Variants in NLRC4 observed in about 807,000 individuals in gnomAD.
The protein encoded by NLRC4 is NLR family CARD domain containing 4, also known as NLR family CARD domain-containing protein 4.
In NLRC4, 63 loss-of-function variants were observed where a neutral mutation model predicts 79.9. The ratio of observed to expected loss-of-function variants is 0.79; its 90% confidence interval spans 0.64 to 0.97. NLRC4 has a LOEUF of 0.97. NLRC4 is among the 50% of genes least tolerant of loss of function. The probability of loss-of-function intolerance (pLI) is 0.00; values close to 1 mark genes in which losing one functional copy is unlikely to be tolerated. For synonymous variants in NLRC4, 461 were observed against 456.5 expected (o/e 1.01, Z -0.12); for missense variants, 1,074 against 1,215.2 (o/e 0.88, Z 1.73).
chr2:32,236,981 T>C (rs1389344390), intron 6 of NLRC4, among the ~76,000 whole-genome samples: 1 of 152,200 alleles, frequency 6.6e-6, no homozygotes. Flanking sequence ...ATTCAGAACT[T>C]TTTTTAAAGC....
intron 4 of NLRC4, among the ~76,000 whole-genome samples, chr2:32,241,588 C>T (rs912757663): frequency 1.3e-5 from 2 of 151,936 alleles, no homozygotes; most frequent in African/African-American, 4.8e-5. Flanking sequence ...CCATGTTAGC[C>T]AGGATGGTCT....
intron 4 of NLRC4, among the ~76,000 whole-genome samples, chr2:32,242,066 T>G (rs958205042): frequency 2.6e-5 from 4 of 151,998 alleles, no homozygotes; most frequent in African/African-American, 9.7e-5. Flanking sequence ...AGAGGCAAGG[T>G]CTCACTATGT....
At chr2:32,244,132 C>G (rs1686874283) in intron 4 of NLRC4, among the ~76,000 whole-genome samples, 2 of 152,128 alleles carry the variant, frequency 1.3e-5, no homozygotes, top group Non-Finnish European at 2.9e-5. Flanking sequence ...CACTTATGGT[C>G]CCAGCTAGTC....
Position 32,256,759 on chromosome 2 carries a change from T to C in NLRC4, c.1+16A>G. The C allele has an allele frequency of 1.3e-6, 1 of 780,950 alleles. No homozygotes were observed. Among genetic ancestry groups the C allele is most frequent in the Non-Finnish European group, 2.4e-6 (1 of 418,042 alleles). 48.4% of individuals were successfully genotyped at this position (780,950 alleles called of 1,614,324 possible). A position where few individuals can be genotyped will look rare whatever the true frequency, so the allele number is the denominator to read the frequency against. Reference sequence around the variant, plus strand: ...AGACTGTATAACCAGGCAGATGTTATTTCTCATATACTTACTTGTTCTGGA... The same window carrying C: ...AGACTGTATAACCAGGCAGATGTTACTTCTCATATACTTACTTGTTCTGGA... On this transcript the variant is annotated intron_variant, in intron 2 of 8. Transcript: ENST00000402280.
At chr2:32,244,904 G>GA (rs999136669) in intron 4 of NLRC4, among the ~76,000 whole-genome samples, 1 of 151,810 alleles carries the variant, frequency 6.6e-6, no homozygotes, top group African/African-American at 2.4e-5. Flanking sequence ...AGGAGGAGGA[G>GA]AAGGAGGAGG....
In NLRC4 at chr2:32,233,174, A is replaced by G. The variant is rs867056241; in HGVS notation, c.2782+2227T>C. Among the ~76,000 whole-genome samples the G allele has an allele frequency of 3.1e-4, 24 of 77,002 alleles. 1 individual carries two copies. Among genetic ancestry groups the G allele is most frequent in the African/African-American group, 6.7e-4 (13 of 19,510 alleles). The allele number at this position is 77,002 out of a possible 152,430, so 50.5% of individuals were successfully genotyped here. A position where few individuals can be genotyped will look rare whatever the true frequency, so the allele number is the denominator to read the frequency against. ...GAAGGAAGGAAGGAAGGAAGGAAGG[A>G]AGGAAGGAAGGAAGGAAGGAAGGGA... On this transcript the variant is annotated intron_variant, in intron 8 of 8. Transcript: ENST00000402280.
At chr2:32,260,213 C>CAAAAAAA (rs1197388989) in intron 1 of NLRC4, among the ~76,000 whole-genome samples, 24 of 74,942 alleles carry the variant, frequency 3.2e-4, no homozygotes, top group Middle Eastern at 9.8e-3. Flanking sequence ...TGGGCAACGA[C>CAAAAAAA]AAAAAAAAAA....
rs1436573076 is a variant in NLRC4 at position 32,231,397 on chromosome 2, CACCTGCCTCA to C, written c.2782+3994_2782+4003del. On this transcript the variant is annotated intron_variant, in intron 8 of 8. Transcript: ENST00000402280. ...GTCTCGAACTCCTGACCTTGTGATCCACCTGCCTCAACCTCCCAAAGTGCTGGGATTACAG... is the reference window on the plus strand; with the variant it reads ...GTCTCGAACTCCTGACCTTGTGATCCACCTCCCAAAGTGCTGGGATTACAG... Among the ~76,000 whole-genome samples, 7 of 152,054 alleles carry C rather than the reference CACCTGCCTCA, an allele frequency of 4.6e-5. No individual in the cohort carries two copies. In the South Asian group the frequency reaches 1.2e-3, roughly 27 times the overall value.
chr2:32,238,102 C>T (rs369633437), intron 6 of NLRC4, 30 bp downstream of exon 6: 1 of 1,566,550 alleles, frequency 6.4e-7, no homozygotes, highest in Non-Finnish European at 8.8e-7. Context: ...GTTATACTGT[C>T]CTCATTCAGT....
chr2:32,240,032 G>A (rs1178997967), intron 5 of NLRC4, among the ~76,000 whole-genome samples: 2 of 152,208 alleles, frequency 1.3e-5, no homozygotes, highest in African/African-American at 2.4e-5. Context: ...CGAGGCTGGA[G>A]TGCAGTGGAG....
intron 2 of NLRC4, among the ~76,000 whole-genome samples, chr2:32,253,728 G>A (rs2148944547): frequency 6.6e-6 from 1 of 151,998 alleles, no homozygotes; most frequent in South Asian, 2.1e-4. Flanking sequence ...ACTTTGGGAG[G>A]CCAAGGCGGG....
At chr2:32,236,747 A>G (rs1047523215) in intron 6 of NLRC4, among the ~76,000 whole-genome samples, 1 of 152,234 alleles carries the variant, frequency 6.6e-6, no homozygotes, top group African/African-American at 2.4e-5. Flanking sequence ...CAGGAGAAAC[A>G]GGAACAACAA....
intron 8 of NLRC4, among the ~76,000 whole-genome samples, chr2:32,233,347 A>ATTTTTTTT (rs1453870780): frequency 1.3e-4 from 6 of 45,642 alleles, no homozygotes; most frequent in African/African-American, 6.0e-4. Flanking sequence ...ATATATATAT[A>ATTTTTTTT]TATTTTTTTT....
intron 8 of NLRC4, among the ~76,000 whole-genome samples, chr2:32,226,555 T>G (rs931030057): frequency 4.6e-5 from 7 of 152,352 alleles, no homozygotes; most frequent in African/African-American, 1.4e-4. Context: ...ACACCATCTT[T>G]GGGCCTTCTT....
chr2:32,242,975 G>C (rs544493248), intron 4 of NLRC4, among the ~76,000 whole-genome samples: 12 of 152,194 alleles, frequency 7.9e-5, no homozygotes, highest in Non-Finnish European at 1.6e-4. Context: ...TTGAGCCCAG[G>C]AGTTCAAGAT....
chr2:32,256,336 T>C (rs1687207428), intron 2 of NLRC4, among the ~76,000 whole-genome samples: 1 of 152,164 alleles, frequency 6.6e-6, no homozygotes, highest in African/African-American at 2.4e-5. Context: ...GTTTACATTT[T>C]ATTTTATTTA....
At chr2:32,247,375 C>G (rs1284883247) in intron 4 of NLRC4, among the ~76,000 whole-genome samples, 1 of 147,368 alleles carries the variant, frequency 6.8e-6, no homozygotes, top group Non-Finnish European at 1.5e-5. Context: ...AGTGCAATGG[C>G]GTGATCTCGG....
intron 1 of NLRC4, among the ~76,000 whole-genome samples, chr2:32,263,701 CT>C (rs1488405943): frequency 6.6e-6 from 1 of 152,214 alleles, no homozygotes; most frequent in Non-Finnish European, 1.5e-5. Context: ...GAAGCCAACC[CT>C]GCTGACACCT....
intron 2 of NLRC4, among the ~76,000 whole-genome samples, 166 bp downstream of exon 2, chr2:32,256,609 A>G (rs1687212447): frequency 6.6e-6 from 1 of 152,202 alleles, no homozygotes; most frequent in Admixed American, 6.5e-5. Flanking sequence ...CTTTTATCAC[A>G]GGTTACCATA....
Sources: gnomAD v4.1 joint callset for allele counts (sites outside exome capture counted in the v4.1 genomes callset) on GRCh38, gnomAD v4.1.1 for gene constraint, MANE v1.5 for transcripts, NCBI Gene and HGNC (gene_info 2026-07-23, HGNC 2026-07-21) for gene names.